LMBR1L: variants seen among roughly 807,000 people sequenced by gnomAD.
LMBR1L encodes the protein limb development membrane protein 1 like, also known as protein LMBR1L.
In LMBR1L, 47 loss-of-function variants were observed where a neutral mutation model predicts 67.3. The ratio of observed to expected loss-of-function variants is 0.70; its 90% CI spans 0.55 to 0.89. The LOEUF (loss-of-function observed/expected upper bound fraction) is 0.89. Among genes scored for constraint, LMBR1L ranks in the 40% least tolerant of loss-of-function variants. The probability of loss-of-function intolerance (pLI) is 0.00; values close to 1 mark genes in which losing one functional copy is unlikely to be tolerated. For missense variants in LMBR1L, 533 were observed against 599.2 expected (o/e 0.89, Z 1.15); for synonymous variants, 247 against 250.3 (o/e 0.99, Z 0.13).
At chr12:49,106,380 GC>G (rs375636347) in intron 2 of LMBR1L, 1 of 374,350 alleles carries the variant, frequency 2.7e-6, no homozygotes. Context: ...TTGGGTAGCT[GC>G]CTTGTTGAGG....
At chr12:49,102,401 CT>C in intron 9 of LMBR1L, 25 bp from the exon 10 acceptor site, 1 of 1,613,704 alleles carries the variant, frequency 6.2e-7, no homozygotes, top group Non-Finnish European at 8.5e-7. Flanking sequence ...GATGGTGTTG[CT>C]CTCAAGTCCT....
chr12:49,099,575 C>T (rs943369496), intron 15 of LMBR1L, among the ~76,000 whole-genome samples: 19 of 150,940 alleles, frequency 1.3e-4, no homozygotes, highest in South Asian at 1.0e-3. Flanking sequence ...TAGTTACACT[C>T]TTGAACTTTT....
Position 49,099,674 on chromosome 12 carries a change from C to T in LMBR1L, c.1240+714G>A, listed in dbSNP as rs987099602. On this transcript the variant is annotated intron_variant, in intron 15 of 16. Coordinates refer to ENST00000267102, the MANE Select transcript of LMBR1L (RefSeq NM_018113.4). ...TCAGCTCACCGCAACCTTTGCCTCC[C>T]GGGTTCAAGTGATTCTCCTGCCTCA... Among the ~76,000 whole-genome samples, 3 of 151,788 alleles carry T rather than the reference C, an allele frequency of 2.0e-5. No individual in the cohort carries two copies. In the East Asian group the frequency reaches 5.8e-4, roughly 29 times the overall value.
rs1365518906 is a variant in LMBR1L at position 49,104,395 on chromosome 12, GAA to G, written c.435+51_435+52del. ...CCTCTTTATTAAAATCTCTTCAGCT[GAA>G]CCATGTGTGTGGAATTCCGTTTCCT... On this transcript the variant is annotated intron_variant, in intron 5 of 16. Transcript: ENST00000267102. 5 of 1,269,810 alleles carry G rather than the reference GAA, an allele frequency of 3.9e-6. No individual in the cohort carries two copies. The East Asian group carries it at 9.2e-5, about 23-fold the overall frequency. The allele number at this position is 1,269,810 out of a possible 1,614,324, so 78.7% of individuals were successfully genotyped here.
chr12:49,098,131 GGT>G, intron 15 of LMBR1L, 26 bp from the exon 16 acceptor site: 10 of 1,555,608 alleles, frequency 6.4e-6, no homozygotes, highest in South Asian at 1.1e-5. Flanking sequence ...CAGGATGAGA[GGT>G]GGGCTCCCCA....
intron 2 of LMBR1L, among the ~76,000 whole-genome samples, chr12:49,106,261 T>A (rs1349707511): frequency 6.6e-6 from 1 of 152,088 alleles, no homozygotes; most frequent in Non-Finnish European, 1.5e-5. Flanking sequence ...ATTAATATAA[T>A]AAACAACTAG....
rs1939626229 is a variant in LMBR1L at position 49,098,036 on chromosome 12, A to G, written c.1310T>C (p.Phe437Ser). Residue 437 changes from phenylalanine to serine, a missense_variant, in exon 16 of 17, where the codon TTC becomes TCC. By Grantham distance (155) the Phe-to-Ser change is radical. This residue lies in a region of LMBR1L where 223 missense variants were observed against 241.2 expected (regional missense o/e 0.92). Transcript: ENST00000267102. ...GCCTGCAAAGGCTGCGTTGTAGAGG[A>G]ACACAATGTAGAAATTGCCCAGCCA... is the stretch of plus-strand genomic sequence containing the variant. Reference protein sequence around the residue: ...FNWLGNFYIVFLYNAAFAGLT... With the variant: ...FNWLGNFYIVSLYNAAFAGLT... 1 of 1,614,140 alleles carries G rather than the reference A, an allele frequency of 6.2e-7. No individual in the cohort carries two copies.
chr12:49,110,319 G>A, intron 1 of LMBR1L, 165 bp downstream of exon 1: 3 of 677,018 alleles, frequency 4.4e-6, no homozygotes, highest in Non-Finnish European at 7.9e-6. Flanking sequence ...ATCCCATCTA[G>A]GGGATCGCTA....
chr12:49,108,992 T>C (rs150344485), intron 1 of LMBR1L, among the ~76,000 whole-genome samples: 11 of 152,290 alleles, frequency 7.2e-5, no homozygotes, highest in South Asian at 4.1e-4. Flanking sequence ...ACTCAGATTG[T>C]AGCTGCAAGA....
In LMBR1L at chr12:49,097,551, C is replaced by G; in HGVS notation, c.*121G>C. On this transcript the variant is annotated 3_prime_UTR_variant, in exon 17 of 17. Transcript: ENST00000267102. ...TGCAATAGTGCAGATGGCTCTGCTCCCCTCTGCCACCCACCCTCTCAGATT... is the reference window on the plus strand; with the variant it reads ...TGCAATAGTGCAGATGGCTCTGCTCGCCTCTGCCACCCACCCTCTCAGATT... 1 of 986,080 alleles carries G rather than the reference C, an allele frequency of 1.0e-6. No individual in the cohort carries two copies. Among genetic ancestry groups the G allele is most frequent in the Non-Finnish European group, 1.6e-6 (1 of 629,598 alleles). The allele number at this position is 986,080 out of a possible 1,614,324, so 61.1% of individuals were successfully genotyped here.
intron 1 of LMBR1L, chr12:49,110,127 T>G: frequency 2.0e-6 from 1 of 503,716 alleles, no homozygotes; most frequent in Non-Finnish European, 3.9e-6. Context: ...TCAACCCAGT[T>G]TGAGAAGCAA....
Position 49,100,391 on chromosome 12 carries a change from G to A in LMBR1L, c.1237C>T (p.Leu413=). ...SSALPVFSRT[L]GLTRFDLLGD... is the part of the protein sequence containing the mutation. ...ATCTCCTCCTTTCAATACTTACCCA[G>A]GGTTCGAGAGAAGACAGGAAGTGCT... Residue 413 remains leucine, a synonymous_variant, in exon 15 of 17, where the codon CTG becomes TTG. Coordinates refer to ENST00000267102, the MANE Select transcript of LMBR1L (RefSeq NM_018113.4). The A allele has an allele frequency of 6.2e-7, 1 of 1,612,248 alleles. No individual in the cohort carries two copies. Among genetic ancestry groups the A allele is most frequent in the South Asian group, 1.1e-5 (1 of 91,036 alleles).
At chr12:49,106,100 C>A in intron 2 of LMBR1L, 143 bp from the exon 3 acceptor site, 1 of 652,476 alleles carries the variant, frequency 1.5e-6, no homozygotes, top group South Asian at 2.0e-5. Context: ...GGAGACCACA[C>A]ATTATGAACT....
intron 2 of LMBR1L, 55 bp from the exon 3 acceptor site, chr12:49,106,012 G>A (rs1940858377): frequency 3.4e-6 from 5 of 1,491,478 alleles, no homozygotes; most frequent in African/African-American, 1.4e-5. Flanking sequence ...GGGCAGCTCT[G>A]AGGCCGTTAG....
In LMBR1L at chr12:49,110,603, G is replaced by T; in HGVS notation, c.-48C>A. ...CCGAGGTGCCTCTGGGCCCGGGGAG[G>T]ACGAGCGGGGAGGAAGCCGCCGCCG... On this transcript the variant is annotated 5_prime_UTR_variant, in exon 1 of 17. Coordinates refer to ENST00000267102, the MANE Select transcript of LMBR1L (RefSeq NM_018113.4). The T allele has an allele frequency of 6.4e-7, 1 of 1,568,898 alleles. No individual in the cohort carries two copies. The highest frequency in any genetic ancestry group is 8.8e-7 in the Non-Finnish European group (1 of 1,139,704).
At position 49,101,113 on chromosome 12, in the gene LMBR1L, G is replaced by T. The variant is rs914105367; in HGVS notation, c.1082+137C>A. 12 of 1,573,442 alleles carry T rather than the reference G, an allele frequency of 7.6e-6. No homozygotes were observed. The African/African-American group carries it at 1.5e-4, about 20-fold the overall frequency. ...TCTTTTCCTTCTTTCTGAACCTGAG[G>T]TTGATGAAAACTTGCCCCACTTCCC... On this transcript the variant is annotated intron_variant, in intron 13 of 16. Coordinates refer to ENST00000267102, the MANE Select transcript of LMBR1L (RefSeq NM_018113.4).
intron 1 of LMBR1L, among the ~76,000 whole-genome samples, chr12:49,109,410 A>G (rs753809342): frequency 2.0e-5 from 3 of 152,074 alleles, no homozygotes; most frequent in Admixed American, 6.6e-5. Context: ...CACACAGACT[A>G]ATATACTTTC....
chr12:49,099,706 C>T (rs1225362123), intron 15 of LMBR1L, among the ~76,000 whole-genome samples: 6 of 152,092 alleles, frequency 3.9e-5, no homozygotes, highest in East Asian at 3.9e-4. Flanking sequence ...CTCAGCTTCC[C>T]GAGTAGCTGG....
In LMBR1L at chr12:49,110,485, A is replaced by G. The variant is rs1166522922; in HGVS notation, c.71T>C (p.Ile24Thr). ...QLFHERIREC[I>T]ISTLLFATLY... ...TCCTCGCCGGGGCCCCGCACTCACA[A>G]TACACTCGCGGATCCTCTCGTGGAA... Residue 24 changes from isoleucine to threonine, a missense_variant and splice_region_variant, in exon 1 of 17, where the codon ATT (isoleucine) becomes ACT (threonine). Physicochemically the swap from Ile to Thr is moderately conservative, Grantham distance 89 (BLOSUM62 -1). This residue lies in a region of LMBR1L where 246 missense variants were observed against 249.0 expected (regional missense o/e 0.99). Transcript: ENST00000267102. The G allele has an allele frequency of 1.2e-5, 19 of 1,613,528 alleles. No individual in the cohort carries two copies. Among genetic ancestry groups the G allele is most frequent in the Non-Finnish European group, 1.5e-5 (18 of 1,179,826 alleles).
Sources: allele counts gnomAD v4.1 joint callset (sites outside exome capture counted in the v4.1 genomes callset), GRCh38; gene constraint gnomAD v4.1.1; regional missense constraint gnomAD v4.1.1; transcripts MANE v1.5; gene names NCBI Gene and HGNC (gene_info 2026-07-23, HGNC 2026-07-21).